DOCK10: variants seen among roughly 807,000 people sequenced by gnomAD.
DOCK10 encodes the protein dedicator of cytokinesis 10, also known as dedicator of cytokinesis protein 10.
Under a neutral mutation model 280.1 loss-of-function variants are expected in DOCK10, and 145 were observed. That is an observed-to-expected ratio of 0.52 (90% CI 0.45 to 0.59). The LOEUF is 0.59. DOCK10 is among the 20% of genes least tolerant of loss of function. The probability of loss-of-function intolerance (pLI) is 0.00; values close to 1 mark genes in which losing one functional copy is unlikely to be tolerated. For missense variants in DOCK10, 2,368 were observed against 2,651.7 expected, an observed-to-expected ratio of 0.89 and a Z score of 2.35; for synonymous variants, 915 against 942.2, an observed-to-expected ratio of 0.97 and a Z score of 0.53.
chr2:224,770,263 C>T lies in DOCK10; in HGVS notation c.6392G>A (p.Arg2131Lys), dbSNP rs1479649788. The change falls in exon 55 of 56, where the codon AGG (arginine) becomes AAG (lysine). Residue 2131 changes from arginine (R) to lysine (K), a missense_variant. Physicochemically the swap from Arg to Lys is conservative, Grantham distance 26 (BLOSUM62 2). Coordinates refer to ENST00000258390, the MANE Select transcript of DOCK10 (RefSeq NM_014689.3). The surrounding 1 kb of genome is among the most constrained non-coding windows in gnomAD (Gnocchi z 4.5). ...GCTGAGCATGTCCTTGTAGTGGGAC[C>T]TCAGTTCTTCCTGGTACTCCAGCTG... ...EDQLEYQEEL[R>K]SHYKDMLSEL... 1.2e-6 allele frequency: 2 copies of T among 1,604,708 alleles called. No homozygotes were observed. Among genetic ancestry groups the T allele is most frequent in the East Asian group, 2.2e-5 (1 of 44,630 alleles).
chr2:224,920,142 A>G (rs1701611489), intron 2 of DOCK10, among the ~76,000 whole-genome samples: 1 of 152,104 alleles, frequency 6.6e-6, no homozygotes, highest in South Asian at 2.1e-4. Context: ...GTACAATCAC[A>G]GCTCACAGCA....
chr2:225,041,291 G>A (rs955560545), intron 1 of DOCK10, among the ~76,000 whole-genome samples: 2 of 152,112 alleles, frequency 1.3e-5, no homozygotes, highest in Non-Finnish European at 2.9e-5. Flanking sequence ...CACACAACCC[G>A]GATTCCGGTC....
intron 40 of DOCK10, among the ~76,000 whole-genome samples, chr2:224,800,593 C>G (rs1379314416): frequency 1.3e-5 from 2 of 152,156 alleles, no homozygotes; most frequent in African/African-American, 4.8e-5. Context: ...ACCAAATGTA[C>G]AGTCTCAGTG....
chr2:224,990,852 A>T (rs547574985), intron 1 of DOCK10, among the ~76,000 whole-genome samples: 1 of 152,346 alleles, frequency 6.6e-6, no homozygotes, highest in South Asian at 2.1e-4. Context: ...TATTCTGATC[A>T]CAGTCAATTC....
At chr2:224,978,366 G>C (rs1422609728) in intron 1 of DOCK10, among the ~76,000 whole-genome samples, 1 of 152,168 alleles carries the variant, frequency 6.6e-6, no homozygotes, top group East Asian at 1.9e-4. Context: ...CCTGGAAGCG[G>C]AGGTTGCAGT....
intron 1 of DOCK10, among the ~76,000 whole-genome samples, chr2:224,956,440 A>G (rs1704037766): frequency 6.6e-6 from 1 of 152,100 alleles, no homozygotes; most frequent in South Asian, 2.1e-4. Flanking sequence ...ATTGGCCAAC[A>G]TGGTGAAACT....
intron 39 of DOCK10, among the ~76,000 whole-genome samples, chr2:224,802,482 T>C (rs1456371111): frequency 6.6e-6 from 1 of 152,156 alleles, no homozygotes; most frequent in Non-Finnish European, 1.5e-5. Context: ...CTTTCCGAGG[T>C]ATTTGTATCT....
At chr2:224,816,058 G>A (rs1233847190) in intron 30 of DOCK10, among the ~76,000 whole-genome samples, 2 of 151,264 alleles carry the variant, frequency 1.3e-5, no homozygotes, top group African/African-American at 2.4e-5. Flanking sequence ...CCCCTCCCCC[G>A]CAAGAAAAAA....
chr2:224,954,814 G>T (rs1413566304), intron 1 of DOCK10, among the ~76,000 whole-genome samples: 1 of 152,108 alleles, frequency 6.6e-6, no homozygotes, highest in Non-Finnish European at 1.5e-5. Context: ...CAACTCCAAA[G>T]CAATATATTT....
At chr2:224,951,590 T>C (rs1260280930) in intron 1 of DOCK10, among the ~76,000 whole-genome samples, 2 of 152,234 alleles carry the variant, frequency 1.3e-5, no homozygotes, top group African/African-American at 4.8e-5. Flanking sequence ...GTTCTGGCAA[T>C]CTGTATTAGT....
intron 8 of DOCK10, 135 bp downstream of exon 8, chr2:224,875,903 A>T: frequency 1.3e-6 from 1 of 790,588 alleles, no homozygotes; most frequent in Non-Finnish European, 2.0e-6. Context: ...GGAGTGATTT[A>T]GTGATTCTTG....
At chr2:224,901,902 G>A (rs1350927891) in intron 3 of DOCK10, among the ~76,000 whole-genome samples, 1 of 152,140 alleles carries the variant, frequency 6.6e-6, no homozygotes. Flanking sequence ...TCTAGACACA[G>A]CCTTTTAAAA....
chr2:224,974,820 A>T (rs1433114963), intron 1 of DOCK10, among the ~76,000 whole-genome samples: 7 of 116,602 alleles, frequency 6.0e-5, no homozygotes, highest in African/African-American at 2.0e-4. Flanking sequence ...TATATATATA[A>T]TATATATATA....
chr2:224,767,965 G>T (rs147177334), intron 55 of DOCK10, among the ~76,000 whole-genome samples: 1 of 150,730 alleles, frequency 6.6e-6, no homozygotes, highest in Non-Finnish European at 1.5e-5. Flanking sequence ...CCAGGCTGGA[G>T]TGCAGTGGTG....
chr2:224,891,073 TGATG>T (rs368721844), intron 4 of DOCK10, among the ~76,000 whole-genome samples: 21 of 151,714 alleles, frequency 1.4e-4, no homozygotes, highest in Admixed American at 5.9e-4. Context: ...GAAGGATGGA[TGATG>T]GATGGATGGA....
In DOCK10 at chr2:224,790,073, G is replaced by A. The variant is rs138609640; in HGVS notation, c.5312-903C>T. ...TGGGATTACAGGCGTGAGCCACTGC[G>A]CCTGGCCAATACTTGCTATATTTCA... is the stretch of plus-strand genomic sequence containing the variant. On this transcript the variant is annotated intron_variant, in intron 47 of 55. Transcript: ENST00000258390. Among the ~76,000 whole-genome samples, 1,210 of 152,234 alleles carry A rather than the reference G, an allele frequency of 7.9e-3. 8 individuals carry two copies. Among genetic ancestry groups the A allele is most frequent in the Non-Finnish European group, 0.012 (849 of 68,014 alleles).
intron 26 of DOCK10, among the ~76,000 whole-genome samples, chr2:224,833,114 G>T (rs1247889022): frequency 3.3e-5 from 5 of 152,164 alleles, no homozygotes; most frequent in African/African-American, 1.2e-4. Flanking sequence ...AGTGGTTGTG[G>T]TCTCCATTTT....
chr2:224,932,027 A>T (rs1471138226), intron 1 of DOCK10, among the ~76,000 whole-genome samples: 1 of 152,152 alleles, frequency 6.6e-6, no homozygotes, highest in Non-Finnish European at 1.5e-5. Flanking sequence ...CGGTATTATG[A>T]TGATTATCAT....
At chr2:224,971,153 A>T (rs992804325) in intron 1 of DOCK10, among the ~76,000 whole-genome samples, 1 of 152,240 alleles carries the variant, frequency 6.6e-6, no homozygotes, top group African/African-American at 2.4e-5. Context: ...AATCTATATT[A>T]AAAACCCTGA....
Sources: allele counts gnomAD v4.1 joint callset (sites outside exome capture counted in the v4.1 genomes callset), GRCh38; gene constraint gnomAD v4.1.1; non-coding constraint Gnocchi (gnomAD v3.1); transcripts MANE v1.5; gene names NCBI Gene and HGNC (gene_info 2026-07-23, HGNC 2026-07-21).